The following CASS4 variants were observed in gnomAD, a reference collection of about 807,000 sequenced individuals.
The protein encoded by CASS4 is cas scaffolding protein family member 4.
In CASS4, 22 loss-of-function variants were observed where a neutral mutation model predicts 54.2. The observed-to-expected ratio is 0.41, with a 90% CI of 0.29 to 0.58. The LOEUF is 0.58. CASS4 is among the 20% of genes least tolerant of loss of function. The pLI is 0.36. For missense variants in CASS4, 854 were observed against 986.7 expected, an observed-to-expected ratio of 0.87 and a Z score of 1.80; for synonymous variants, 409 against 391.5, an observed-to-expected ratio of 1.04 and a Z score of -0.53.
rs896316490 is a variant in CASS4, at chr20:56,412,275, G to A, written c.-184G>A. 4.9e-5 allele frequency: 32 copies of A among 650,184 alleles called. No homozygotes were observed. Among genetic ancestry groups the A allele is most frequent in the South Asian group, 3.2e-4 (18 of 56,448 alleles). 40.3% of individuals were successfully genotyped at this position (650,184 alleles called of 1,614,324 possible). A position where few individuals can be genotyped will look rare whatever the true frequency, so the allele number is the denominator to read the frequency against. On this transcript the variant is annotated 5_prime_UTR_variant, in exon 1 of 6. It adds an upstream start codon to the 5' untranslated region. Transcript: ENST00000679887. This position sits in a 1 kb window ranked among gnomAD's most constrained non-coding sequence, Gnocchi z 4.2. ...TCACTGCTTTCATTTTACTCTTATC[G>A]TGCTTTCCAGAAAGTTTGCCTGCTG...
At chr20:56,453,174 T>C (rs1436420524) in intron 5 of CASS4, 45 bp downstream of exon 5, 2 of 1,408,982 alleles carry the variant, frequency 1.4e-6, no homozygotes, top group Non-Finnish European at 2.0e-6. Context: ...CTTCAATTGT[T>C]ACCTGGAGTA....
chr20:56,451,413 C>A (rs576537563), intron 4 of CASS4, among the ~76,000 whole-genome samples: 34 of 152,318 alleles, frequency 2.2e-4, no homozygotes, highest in Non-Finnish European at 3.4e-4. Context: ...CACACTTACA[C>A]CCAAGGTCAT....
At chr20:56,422,786 G>A (rs929241085) in intron 1 of CASS4, among the ~76,000 whole-genome samples, 95 of 152,330 alleles carry the variant, frequency 6.2e-4, no homozygotes, top group African/African-American at 2.1e-3. Flanking sequence ...CACAGCATGT[G>A]CCATTCTCCA....
Position 56,458,929 on chromosome 20 carries a change from G to A in CASS4, c.*182G>A, listed in dbSNP as rs1981467324. ...CCAGGGCATTGACTTACCCCGCAGG[G>A]GGTCAGGAAAGAGAGTCAGGTATGA... On this transcript the variant is annotated 3_prime_UTR_variant, in exon 6 of 6. Transcript: ENST00000679887. 1.0e-5 allele frequency: 6 copies of A among 598,960 alleles called. No homozygotes were observed. In the East Asian group the frequency reaches 1.7e-4, roughly 17 times the overall value. The allele number at this position is 598,960 out of a possible 1,614,324, so 37.1% of individuals were successfully genotyped here. A position where few individuals can be genotyped will look rare whatever the true frequency, so the allele number is the denominator to read the frequency against.
intron 3 of CASS4, among the ~76,000 whole-genome samples, chr20:56,447,002 G>A (rs767224405): frequency 7.2e-5 from 11 of 152,192 alleles, no homozygotes; most frequent in Admixed American, 2.6e-4. Flanking sequence ...GACACTAGGA[G>A]TTCGAGACCA....
chr20:56,444,418 G>C (rs762905640), intron 2 of CASS4, among the ~76,000 whole-genome samples: 1 of 152,132 alleles, frequency 6.6e-6, no homozygotes, highest in African/African-American at 2.4e-5. Flanking sequence ...GCTTCACCCT[G>C]TCCTCTCCTC....
At chr20:56,434,186 G>A (rs922819239) in intron 1 of CASS4, among the ~76,000 whole-genome samples, 2 of 152,078 alleles carry the variant, frequency 1.3e-5, no homozygotes, top group African/African-American at 4.8e-5. Flanking sequence ...AGCATCCGGA[G>A]CCCTGATGGT....
At chr20:56,435,080 T>G (rs1980091926) in intron 1 of CASS4, among the ~76,000 whole-genome samples, 1 of 152,264 alleles carries the variant, frequency 6.6e-6, no homozygotes, top group Non-Finnish European at 1.5e-5. Flanking sequence ...TTGTGGGGGA[T>G]GTTCAATGTC....
intron 1 of CASS4, among the ~76,000 whole-genome samples, chr20:56,417,327 C>G (rs1259633211): frequency 1.3e-5 from 2 of 152,198 alleles, no homozygotes; most frequent in East Asian, 3.9e-4. Flanking sequence ...CTCCGAGCAG[C>G]TCTCCTGCCT....
chr20:56,440,177 G>A (rs1460682189), intron 2 of CASS4, among the ~76,000 whole-genome samples: 1 of 152,236 alleles, frequency 6.6e-6, no homozygotes, highest in Admixed American at 6.5e-5. Flanking sequence ...GAGGAAGCTG[G>A]TGGCGCCTTC....
At chr20:56,446,418 G>A (rs944143301) in intron 3 of CASS4, among the ~76,000 whole-genome samples, 5 of 152,052 alleles carry the variant, frequency 3.3e-5, no homozygotes, top group African/African-American at 1.2e-4. Context: ...TTTAATATAT[G>A]TATGTGTGTA....
Position 56,450,579 on chromosome 20 carries a change from C to A in CASS4, c.562-20C>A. On this transcript the variant is annotated intron_variant, in intron 3 of 5. Coordinates refer to ENST00000679887, the MANE Select transcript of CASS4 (RefSeq NM_020356.4). ...AGGAAAGAAACATTCAAGTTGTCTG[C>A]CTTTGTGGTCTTTCCCCAGGAGCCA... 6.2e-7 allele frequency: 1 copy of A among 1,611,274 alleles called. No individual in the cohort carries two copies. The highest frequency in any genetic ancestry group is 8.5e-7 in the Non-Finnish European group (1 of 1,177,552).
In CASS4 at chr20:56,456,938, G is replaced by A. The variant is rs145394252; in HGVS notation, c.1954-1402G>A. On this transcript the variant is annotated intron_variant, in intron 5 of 5. Transcript: ENST00000679887. ...TAGGGTTAAGCGATCCTCCTGCCTC[G>A]GCCTCCCAAAGTGCTGGGATTACAG... Among the ~76,000 whole-genome samples the A allele has an allele frequency of 2.4e-3, 353 of 146,782 alleles. 3 individuals are homozygous for A. Among genetic ancestry groups the A allele is most frequent in the African/African-American group, 8.3e-3 (329 of 39,776 alleles).
intron 5 of CASS4, among the ~76,000 whole-genome samples, chr20:56,456,684 A>G (rs1363278075): frequency 7.4e-6 from 1 of 135,558 alleles, no homozygotes; most frequent in Non-Finnish European, 1.6e-5. Context: ...TCCCTTTTTT[A>G]TTTTATTTTT....
At chr20:56,457,696 A>C (rs1050680695) in intron 5 of CASS4, among the ~76,000 whole-genome samples, 1 of 152,130 alleles carries the variant, frequency 6.6e-6, no homozygotes, top group Non-Finnish European at 1.5e-5. Flanking sequence ...TTTAAATCTC[A>C]TCAAGTTTTT....
At chr20:56,443,168 C>T (rs1245447751) in intron 2 of CASS4, among the ~76,000 whole-genome samples, 1 of 151,224 alleles carries the variant, frequency 6.6e-6, no homozygotes, top group Non-Finnish European at 1.5e-5. Flanking sequence ...GGGTGCATAG[C>T]TTGTCAGACC....
intron 2 of CASS4, among the ~76,000 whole-genome samples, chr20:56,443,706 A>G (rs1161275837): frequency 6.6e-6 from 1 of 152,092 alleles, no homozygotes; most frequent in African/African-American, 2.4e-5. Flanking sequence ...CTGTGTCTTG[A>G]TAGGCTCTGT....
intron 2 of CASS4, among the ~76,000 whole-genome samples, chr20:56,441,562 G>A (rs1019167311): frequency 4.6e-5 from 7 of 152,104 alleles, no homozygotes; most frequent in African/African-American, 1.7e-4. Flanking sequence ...CCGAGATCAC[G>A]CCACTGCACT....
chr20:56,438,732 C>T (rs1181595366), intron 2 of CASS4, among the ~76,000 whole-genome samples: 2 of 152,130 alleles, frequency 1.3e-5, no homozygotes, highest in African/African-American at 4.8e-5. Context: ...TGGCAGGCAC[C>T]TGTAATTCCA....
Sources: gnomAD v4.1 joint callset for allele counts (sites outside exome capture counted in the v4.1 genomes callset) on GRCh38, gnomAD v4.1.1 for gene constraint, Gnocchi (gnomAD v3.1) non-coding constraint, MANE v1.5 for transcripts, NCBI Gene and HGNC (gene_info 2026-07-23, HGNC 2026-07-21) for gene names.